The following DDX5 variants were observed in gnomAD, a reference collection of about 807,000 sequenced individuals.
DDX5 encodes the protein probable ATP-dependent RNA helicase DDX5.
DDX5 carries 6 observed loss-of-function variants against 68.6 expected under a neutral mutation model. The observed-to-expected ratio is 0.09, with a 90% confidence interval of 0.05 to 0.17. The LOEUF is 0.17. DDX5 is among the 10% of genes least tolerant of loss of function. The pLI is 1.00. For synonymous variants in DDX5, 350 were observed against 247.0 expected (o/e 1.42, Z -3.91); for missense variants, 499 against 756.1 (o/e 0.66, Z 3.99).
chr17:64,501,846 C>G, intron 11 of DDX5, 164 bp downstream of exon 11: 1 of 663,284 alleles, frequency 1.5e-6, no homozygotes, highest in Non-Finnish European at 2.6e-6. Flanking sequence ...CCATCCCCCT[C>G]GAGTCCTCCG....
In DDX5 at chr17:64,506,188, G is replaced by A. The variant is rs1304027466; in HGVS notation, c.-69C>T. ...AGCGTGCGACAAGTCGCTGGAAATG[G>A]CCTCGATGACGGCGAAGCCTTGCGG... On this transcript the variant is annotated 5_prime_UTR_variant, in exon 1 of 13. Transcript: ENST00000225792. The A allele has an allele frequency of 7.0e-6, 11 of 1,582,494 alleles. No homozygotes were observed. Among genetic ancestry groups the A allele is most frequent in the Admixed American group, 1.8e-5 (1 of 54,628 alleles).
chr17:64,501,956 A>T, intron 11 of DDX5, 54 bp downstream of exon 11: 2 of 1,556,950 alleles, frequency 1.3e-6, no homozygotes, highest in Admixed American at 3.7e-5. Context: ...TCTTTAAAAA[A>T]GTTAAATGGA....
Position 64,499,945 on chromosome 17 carries a change from A to G in DDX5, c.1823T>C (p.Met608Thr). Reference protein sequence around the residue: ...TAAAPMIGYPMPTGYSQ With the variant: ...TAAAPMIGYPTPTGYSQ Reference sequence around the variant, plus strand: ...GTCTTATTGGGAATATCCTGTTGGCATTGGATAACCAATCATAGGTGCAGC... The same window carrying G: ...GTCTTATTGGGAATATCCTGTTGGCGTTGGATAACCAATCATAGGTGCAGC... Residue 608 changes from methionine (M) to threonine (T), a missense_variant, in exon 13 of 13, where the codon ATG (methionine) becomes ACG (threonine). Transcript: ENST00000225792. 6.2e-7 allele frequency: 1 copy of G among 1,607,026 alleles called. No homozygotes were observed. The highest frequency in any genetic ancestry group is 1.3e-5 in the African/African-American group (1 of 74,958).
chr17:64,502,917 A>G lies in DDX5; in HGVS notation c.983+9T>C, dbSNP rs782121980. ...AGGAAGCAAATATAACAGAGTTAAT[A>G]AAACTTACTTTTCATCCTTTTCTAC... On this transcript the variant is annotated intron_variant, in intron 8 of 12. Transcript: ENST00000225792. 3 of 1,572,824 alleles carry G rather than the reference A, an allele frequency of 1.9e-6. No individual in the cohort carries two copies. In the East Asian group the frequency reaches 6.8e-5, roughly 35 times the overall value.
In DDX5 at chr17:64,502,131, G is replaced by C. The variant is rs782508615; in HGVS notation, c.1156+31C>G. ...GCAGAATTCTAGCTAGGTTAAGTAA[G>C]GGGGAAAAATACTTCATTTGAAATA... On this transcript the variant is annotated intron_variant, in intron 10 of 12. Coordinates refer to ENST00000225792, the MANE Select transcript of DDX5 (RefSeq NM_004396.5). 2.5e-6 allele frequency: 4 copies of C among 1,613,652 alleles called. No individual in the cohort carries two copies. In the African/African-American group the frequency reaches 4.0e-5, roughly 16 times the overall value.
At chr17:64,505,966 A>G (rs2038490399) in intron 1 of DDX5, 110 bp downstream of exon 1, 2 of 1,539,798 alleles carry the variant, frequency 1.3e-6, no homozygotes, top group Admixed American at 2.0e-5. Flanking sequence ...AAGTCCCAAG[A>G]TAGCCCGGAA....
upstream of DDX5, chr17:64,506,855 C>G (rs1206016224): frequency 1.6e-6 from 1 of 615,288 alleles, no homozygotes; most frequent in South Asian, 1.9e-5. Flanking sequence ...TTTTGGTCGG[C>G]GGAGAATGGT....
At chr17:64,500,473 T>A in intron 12 of DDX5, 76 bp downstream of exon 12, 1 of 1,536,268 alleles carries the variant, frequency 6.5e-7, no homozygotes, top group Non-Finnish European at 8.9e-7. Context: ...TTACTCACCC[T>A]CCAATACCAT....
rs782233528 is a variant in DDX5, at chr17:64,504,301, G to A, written c.228C>T (p.Tyr76=). The change falls in exon 3 of 13, where the codon TAC becomes TAT. Residue 76 remains tyrosine (Y), a synonymous_variant. Transcript: ENST00000225792. ...ARRTAQEVET[Y]RRSKEITVRG... Reference sequence around the variant, plus strand: ...TAACTGTAATTTCCTTGCTTCTTCTGTATGTTTCCACCTCTTGCTGCAAAA... The same window carrying A: ...TAACTGTAATTTCCTTGCTTCTTCTATATGTTTCCACCTCTTGCTGCAAAA... 4 of 1,613,898 alleles carry A rather than the reference G, an allele frequency of 2.5e-6. No homozygotes were observed. Among genetic ancestry groups the A allele is most frequent in the South Asian group, 1.1e-5 (1 of 91,074 alleles).
chr17:64,506,777 C>G, upstream of DDX5: 1 of 529,006 alleles, frequency 1.9e-6, no homozygotes, highest in Non-Finnish European at 3.4e-6. Context: ...GCTCGCACCC[C>G]GGGACCCGCC....
In DDX5 at chr17:64,502,336, A is replaced by G. The variant is rs1026829610; in HGVS notation, c.1094+103T>C. 8.2e-6 allele frequency: 12 copies of G among 1,467,954 alleles called. No individual in the cohort carries two copies. In the East Asian group the frequency reaches 2.7e-4, roughly 33 times the overall value. The allele number at this position is 1,467,954 out of a possible 1,614,324, so 90.9% of individuals were successfully genotyped here. A position where few individuals can be genotyped will look rare whatever the true frequency, so the allele number is the denominator to read the frequency against. On this transcript the variant is annotated intron_variant, in intron 9 of 12. Coordinates refer to ENST00000225792, the MANE Select transcript of DDX5 (RefSeq NM_004396.5). Reference sequence around the variant, plus strand: ...AATTTCGCCAGAAATGAAAAAGTTAAATTCACTATCAGATATGAAAAAAAT... The same window carrying G: ...AATTTCGCCAGAAATGAAAAAGTTAGATTCACTATCAGATATGAAAAAAAT...
chr17:64,499,037 C>T lies in DDX5; in HGVS notation c.*886G>A, dbSNP rs944588702. Among the ~76,000 whole-genome samples, 2 of 152,194 alleles carry T rather than the reference C, an allele frequency of 1.3e-5. No homozygotes were observed. Among genetic ancestry groups the T allele is most frequent in the African/African-American group, 4.8e-5 (2 of 41,438 alleles). ...TGACTAGTTAAGAGCCCCAGGGAGC[C>T]TGTGAAGACTAGAATCTACAAGTAA... On this transcript the variant is annotated 3_prime_UTR_variant, in exon 13 of 13. Transcript: ENST00000225792.
Position 64,498,673 on chromosome 17 carries a change from A to C in DDX5, c.*1250T>G, listed in dbSNP as rs1383994909. ...CAGTTTAATAATCAGAATTTAAATG[A>C]AGTCTCCTGAAGACCTCTCTTCTGG... On this transcript the variant is annotated 3_prime_UTR_variant, in exon 13 of 13. Transcript: ENST00000225792. 1.3e-5 allele frequency among the ~76,000 whole-genome samples: 2 copies of C among 152,020 alleles called. No individual in the cohort carries two copies. Among genetic ancestry groups the C allele is most frequent in the Non-Finnish European group, 2.9e-5 (2 of 68,036 alleles).
chr17:64,500,947 GA>G (rs541073111), intron 11 of DDX5, 174 bp from the exon 12 acceptor site: 6 of 601,256 alleles, frequency 1.0e-5, no homozygotes, highest in South Asian at 4.1e-5. Context: ...GTTGAAAAAA[GA>G]AAAAAAAGCA....
Position 64,499,748 on chromosome 17 carries a change from G to T in DDX5, c.*175C>A. ...CTAGTACAAAAAAAACCTAAAAATT[G>T]TTTCAGGAATGTAGAGAAATATCCA... On this transcript the variant is annotated 3_prime_UTR_variant, in exon 13 of 13. Coordinates refer to ENST00000225792, the MANE Select transcript of DDX5 (RefSeq NM_004396.5). 1.9e-6 allele frequency: 1 copy of T among 532,918 alleles called. No individual in the cohort carries two copies. Among genetic ancestry groups the T allele is most frequent in the Non-Finnish European group, 3.0e-6 (1 of 328,260 alleles). The allele number at this position is 532,918 out of a possible 1,614,324, so 33.0% of individuals were successfully genotyped here. A position where few individuals can be genotyped will look rare whatever the true frequency, so the allele number is the denominator to read the frequency against.
chr17:64,501,413 T>C (rs1490680877), intron 11 of DDX5: 1 of 156,712 alleles, frequency 6.4e-6, no homozygotes, highest in African/African-American at 2.4e-5. Context: ...GCACTTTCTT[T>C]TCCCACTTAC....
rs144993382 is a variant in DDX5, at chr17:64,498,421, T to C, written c.*1502A>G. ...AATTAAAAGGCCCACGGTTAAGACA[T>C]TAAACAGTAAAATATGTAATAAATG... is the stretch of plus-strand genomic sequence containing the variant. On this transcript the variant is annotated 3_prime_UTR_variant, in exon 13 of 13. Coordinates refer to ENST00000225792, the MANE Select transcript of DDX5 (RefSeq NM_004396.5). 1.4e-3 allele frequency among the ~76,000 whole-genome samples: 207 copies of C among 152,274 alleles called. No individual in the cohort carries two copies. The highest frequency in any genetic ancestry group is 3.1e-3 in the Admixed American group (47 of 15,294).
upstream of DDX5, chr17:64,506,799 C>T (rs1263456313): frequency 1.8e-6 from 1 of 550,478 alleles, no homozygotes; most frequent in Non-Finnish European, 3.3e-6. Context: ...GGGCTGCCGG[C>T]TGATGTGGAC....
intron 9 of DDX5, 46 bp from the exon 10 acceptor site, chr17:64,502,269 TCA>T: frequency 6.2e-7 from 1 of 1,604,112 alleles, no homozygotes; most frequent in East Asian, 2.2e-5. Flanking sequence ...ATTGAAAACC[TCA>T]GACTCCAGTG....
Sources: gnomAD v4.1 joint callset for allele counts (sites outside exome capture counted in the v4.1 genomes callset) on GRCh38, gnomAD v4.1.1 for gene constraint, MANE v1.5 for transcripts, NCBI Gene and HGNC (gene_info 2026-07-23, HGNC 2026-07-21) for gene names.